C1QTNF7: variants seen among roughly 807,000 people sequenced by gnomAD.
C1QTNF7 encodes the protein C1q and TNF related 7.
A neutral mutation model predicts 19.6 loss-of-function variants in C1QTNF7; 15 were observed. The ratio of observed to expected loss-of-function variants is 0.76; its 90% CI spans 0.51 to 1.18. The LOEUF is 1.18. C1QTNF7 is among the 50% of genes most tolerant of loss of function. The pLI, the probability that C1QTNF7 is intolerant of heterozygous loss-of-function variation, is 0.00. For missense variants in C1QTNF7, 324 were observed against 359.7 expected (o/e 0.90, Z 0.80); for synonymous variants, 142 against 137.5 (o/e 1.03, Z -0.23).
Position 15,442,907 on chromosome 4 carries a change from T to C in C1QTNF7, c.*108T>C. The C allele has an allele frequency of 8.3e-7, 1 of 1,203,776 alleles. No individual in the cohort carries two copies. The highest frequency in any genetic ancestry group is 1.1e-6 in the Non-Finnish European group (1 of 879,684). 74.6% of individuals were successfully genotyped at this position (1,203,776 alleles called of 1,614,324 possible). On this transcript the variant is annotated 3_prime_UTR_variant, in exon 3 of 3. Transcript: ENST00000444304. ...AGACTCCCACTCAGATTCTAAAGCA[T>C]TTAAAGACAATTCTAGCAGAATTTA...
At chr4:15,373,869 G>A (rs1447110786) in intron 1 of C1QTNF7, 1 of 152,184 alleles carries the variant, frequency 6.6e-6, no homozygotes, top group African/African-American at 2.4e-5. Context: ...AATGAGAATG[G>A]AAAGGAGAAG....
At chr4:15,358,694 A>C (rs1457879261) in intron 1 of C1QTNF7, 5 of 152,156 alleles carry the variant, frequency 3.3e-5, no homozygotes, top group African/African-American at 1.2e-4. Flanking sequence ...TATGTTAAAG[A>C]AGATAAAAGA....
chr4:15,384,755 T>A (rs911660362), intron 1 of C1QTNF7, among the ~76,000 whole-genome samples: 5 of 152,228 alleles, frequency 3.3e-5, no homozygotes, highest in African/African-American at 1.2e-4. Context: ...TCTCCAAATG[T>A]TTCCGATTTT....
intron 1 of C1QTNF7, among the ~76,000 whole-genome samples, chr4:15,358,895 G>A (rs1717241647): frequency 6.6e-6 from 1 of 152,128 alleles, no homozygotes; most frequent in South Asian, 2.1e-4. Flanking sequence ...GACAGAGTAG[G>A]ATTCATGGGC....
rs1716495081 is a variant in C1QTNF7, at chr4:15,340,308, AT to A, written c.13+102del. On this transcript the variant is annotated intron_variant, in intron 1 of 2. Transcript: ENST00000295297. ...ACTTAAGAAAGCTCCTTGTAAAGAA[AT>A]GGGGGAACTTGTAAAAATATGTCAA... is the stretch of plus-strand genomic sequence containing the variant. 15 of 1,370,352 alleles carry A rather than the reference AT, an allele frequency of 1.1e-5. No individual in the cohort carries two copies. In the South Asian group the frequency reaches 1.7e-4, roughly 15 times the overall value. The allele number at this position is 1,370,352 out of a possible 1,614,324, so 84.9% of individuals were successfully genotyped here.
At chr4:15,441,903 C>T (rs1712773389) in intron 2 of C1QTNF7, among the ~76,000 whole-genome samples, 1 of 151,998 alleles carries the variant, frequency 6.6e-6, no homozygotes, top group Non-Finnish European at 1.5e-5. Context: ...CGCCTATAAT[C>T]CCAGCTGCTT....
intron 1 of C1QTNF7, among the ~76,000 whole-genome samples, chr4:15,397,924 A>C (rs1577256935): frequency 6.6e-6 from 1 of 152,190 alleles, no homozygotes; most frequent in Non-Finnish European, 1.5e-5. Flanking sequence ...ACTGATTTTG[A>C]ACCTGCAAGA....
intron 1 of C1QTNF7, among the ~76,000 whole-genome samples, chr4:15,348,021 G>C (rs931764257): frequency 1.4e-4 from 21 of 152,078 alleles, no homozygotes; most frequent in African/African-American, 4.6e-4. Flanking sequence ...ATATATATCT[G>C]CTCCACTGGA....
chr4:15,360,043 T>A (rs1159004506), intron 1 of C1QTNF7, among the ~76,000 whole-genome samples: 1 of 152,156 alleles, frequency 6.6e-6, no homozygotes, highest in Non-Finnish European at 1.5e-5. Flanking sequence ...GTCTATGGCT[T>A]GCAATATTCT....
At chr4:15,438,192 T>C (rs1395031199) in intron 2 of C1QTNF7, among the ~76,000 whole-genome samples, 1 of 152,022 alleles carries the variant, frequency 6.6e-6, no homozygotes, top group Non-Finnish European at 1.5e-5. Flanking sequence ...TCAAAAACCA[T>C]CAAAAACAAA....
intron 1 of C1QTNF7, among the ~76,000 whole-genome samples, chr4:15,399,227 G>A (rs559310850): frequency 2.6e-5 from 4 of 152,204 alleles, no homozygotes; most frequent in South Asian, 2.1e-4. Context: ...CCCTGGTGCC[G>A]ACTGCAACCA....
chr4:15,359,135 G>T (rs1717252598), intron 1 of C1QTNF7, among the ~76,000 whole-genome samples: 1 of 152,128 alleles, frequency 6.6e-6, no homozygotes. Context: ...TAGGCATGAG[G>T]AAGGTCAGGT....
intron 1 of C1QTNF7, among the ~76,000 whole-genome samples, chr4:15,379,166 A>G (rs1718050504): frequency 6.6e-6 from 1 of 152,178 alleles, no homozygotes; most frequent in African/African-American, 2.4e-5. Flanking sequence ...TTTTAATATA[A>G]TTTTTTTGTA....
At chr4:15,359,950 T>C (rs1717278382) in intron 1 of C1QTNF7, among the ~76,000 whole-genome samples, 2 of 152,192 alleles carry the variant, frequency 1.3e-5, no homozygotes. Flanking sequence ...GAGGAGACTT[T>C]CTAGACAGAA....
chr4:15,407,598 A>G (rs1719238890), intron 1 of C1QTNF7, among the ~76,000 whole-genome samples: 1 of 152,240 alleles, frequency 6.6e-6, no homozygotes, highest in Non-Finnish European at 1.5e-5. Flanking sequence ...GGTGAAATCA[A>G]ATAAGTCACA....
At chr4:15,366,863 G>C (rs1314762229) in intron 1 of C1QTNF7, among the ~76,000 whole-genome samples, 1 of 152,168 alleles carries the variant, frequency 6.6e-6, no homozygotes, top group African/African-American at 2.4e-5. Context: ...CTGCGGGCTG[G>C]CTGAGACAGC....
At chr4:15,369,271 G>C (rs910449499) in intron 1 of C1QTNF7, among the ~76,000 whole-genome samples, 1 of 152,142 alleles carries the variant, frequency 6.6e-6, no homozygotes, top group Non-Finnish European at 1.5e-5. Flanking sequence ...ATTAGGGAGA[G>C]GCAAGTCTCT....
intron 1 of C1QTNF7, among the ~76,000 whole-genome samples, chr4:15,373,043 T>A (rs1717789971): frequency 6.6e-6 from 1 of 152,344 alleles, no homozygotes; most frequent in South Asian, 2.1e-4. Context: ...AAAATACCAC[T>A]GTCTCAGCCC....
intron 2 of C1QTNF7, among the ~76,000 whole-genome samples, chr4:15,440,502 G>C (rs1227099219): frequency 6.6e-6 from 1 of 151,600 alleles, no homozygotes; most frequent in East Asian, 1.9e-4. Context: ...CCGCCTCCCG[G>C]GTTCAAGCAA....
Sources: allele counts gnomAD v4.1 joint callset (sites outside exome capture counted in the v4.1 genomes callset), GRCh38; gene constraint gnomAD v4.1.1; transcripts MANE v1.5; gene names NCBI Gene and HGNC (gene_info 2026-07-23, HGNC 2026-07-21).